The following PDE4D variants were observed in gnomAD, a reference collection of about 807,000 sequenced individuals.
PDE4D encodes the protein phosphodiesterase 4D.
PDE4D carries 24 observed loss-of-function variants against 87.4 expected under a neutral mutation model. The observed-to-expected ratio is 0.27, with a 90% CI of 0.20 to 0.39. The LOEUF is 0.39. Among genes scored for constraint, PDE4D ranks in the 10% least tolerant of loss-of-function variants. PDE4D has a pLI of 1.00. For missense variants in PDE4D, 714 were observed against 1,041.0 expected, an observed-to-expected ratio of 0.69 and a Z score of 4.32; for synonymous variants, 384 against 383.2, an observed-to-expected ratio of 1.00 and a Z score of -0.02.
chr5:59,380,705 C>T (rs780363269), intron 1 of PDE4D, among the ~76,000 whole-genome samples: 1 of 152,114 alleles, frequency 6.6e-6, no homozygotes, highest in Non-Finnish European at 1.5e-5. Flanking sequence ...TGTTTCTGAA[C>T]TCCAGTTGAA....
chr5:60,374,652 A>G (rs1191672029), intron 1 of PDE4D, among the ~76,000 whole-genome samples: 1 of 152,220 alleles, frequency 6.6e-6, no homozygotes, highest in Non-Finnish European at 1.5e-5. Flanking sequence ...AACAGAATAG[A>G]GCAAGCACAG....
At chr5:59,467,697 A>C (rs1027724974) in intron 1 of PDE4D, among the ~76,000 whole-genome samples, 4 of 152,262 alleles carry the variant, frequency 2.6e-5, no homozygotes, top group African/African-American at 9.6e-5. Flanking sequence ...CCATTGAAGC[A>C]TACGTACAAT....
intron 6 of PDE4D, among the ~76,000 whole-genome samples, chr5:59,034,302 CA>C (rs1347846852): frequency 6.6e-6 from 1 of 152,104 alleles, no homozygotes; most frequent in East Asian, 1.9e-4. Flanking sequence ...GGCATATTAA[CA>C]CTTTTTTAAT....
At chr5:60,200,370 A>G (rs183117609) in intron 1 of PDE4D, among the ~76,000 whole-genome samples, 15 of 151,686 alleles carry the variant, frequency 9.9e-5, no homozygotes, top group Admixed American at 8.6e-4. Flanking sequence ...AAGTCATTGA[A>G]GAGGAGAAAA....
At chr5:59,417,164 T>G (rs1582494759) in intron 1 of PDE4D, among the ~76,000 whole-genome samples, 1 of 152,214 alleles carries the variant, frequency 6.6e-6, no homozygotes, top group East Asian at 1.9e-4. Flanking sequence ...TAAGCAAAAA[T>G]TATCTATAAC....
At chr5:59,895,779 C>T (rs1751571301), upstream of PDE4D, among the ~76,000 whole-genome samples, 1 of 152,188 alleles carries the variant, frequency 6.6e-6, no homozygotes. Context: ...ATTCTAATTT[C>T]TCATACACTA....
intron 1 of PDE4D, among the ~76,000 whole-genome samples, chr5:59,642,445 T>C (rs1741745879): frequency 6.6e-6 from 1 of 152,186 alleles, no homozygotes; most frequent in African/African-American, 2.4e-5. Flanking sequence ...ATAATTTCCA[T>C]GTGTTGTGGG....
chr5:60,459,003 T>G (rs1276812193), intron 1 of PDE4D, among the ~76,000 whole-genome samples: 1 of 139,450 alleles, frequency 7.2e-6, no homozygotes. Context: ...GTGTGTGTGT[T>G]GTGTGTGTGT....
intron 5 of PDE4D, among the ~76,000 whole-genome samples, chr5:59,123,620 A>G (rs1157424851): frequency 6.6e-6 from 1 of 152,216 alleles, no homozygotes. Context: ...TAATACTAAC[A>G]TCAAACCAAA....
At chr5:59,277,286 C>T (rs1018910535) in intron 1 of PDE4D, among the ~76,000 whole-genome samples, 1 of 152,144 alleles carries the variant, frequency 6.6e-6, no homozygotes, top group Non-Finnish European at 1.5e-5. Flanking sequence ...AGGCCTCTTA[C>T]GGTAAATGCC....
chr5:59,707,417 T>A (rs547525627), intron 1 of PDE4D, among the ~76,000 whole-genome samples: 5 of 152,192 alleles, frequency 3.3e-5, no homozygotes, highest in Non-Finnish European at 7.3e-5. Context: ...CACATGCATA[T>A]GTTGGTCTAG....
intron 1 of PDE4D, among the ~76,000 whole-genome samples, chr5:59,629,427 CAAAGAG>C (rs1373994027): frequency 1.3e-5 from 2 of 151,616 alleles, no homozygotes; most frequent in Admixed American, 1.3e-4. Flanking sequence ...AGAGAGAAGA[CAAAGAG>C]AAATTTGGAC....
intron 1 of PDE4D, among the ~76,000 whole-genome samples, chr5:60,513,887 T>C (rs1007761703): frequency 6.6e-6 from 1 of 151,018 alleles, no homozygotes; most frequent in African/African-American, 2.4e-5. Flanking sequence ...AGCCTAAAAA[T>C]CAATTATCTT....
chr5:59,078,616 C>T (rs1283608434), intron 5 of PDE4D, among the ~76,000 whole-genome samples: 1 of 151,368 alleles, frequency 6.6e-6, no homozygotes, highest in Admixed American at 6.6e-5. Context: ...TCAGGTGATT[C>T]TCCCACCTCA....
intron 1 of PDE4D, among the ~76,000 whole-genome samples, chr5:60,443,873 G>A (rs1745431577): frequency 6.6e-6 from 1 of 152,096 alleles, no homozygotes; most frequent in African/African-American, 2.4e-5. Flanking sequence ...TCCACTGGGT[G>A]CTAGAATCAT....
intron 1 of PDE4D, among the ~76,000 whole-genome samples, chr5:59,277,065 C>T (rs895099072): frequency 1.3e-5 from 2 of 152,070 alleles, no homozygotes; most frequent in Admixed American, 6.6e-5. Flanking sequence ...TTAGCTAGTA[C>T]GTTGGTTCTC....
At chr5:60,269,275 C>G (rs1196801609) in intron 1 of PDE4D, among the ~76,000 whole-genome samples, 1 of 152,192 alleles carries the variant, frequency 6.6e-6, no homozygotes, top group Non-Finnish European at 1.5e-5. Flanking sequence ...CCACTGCACT[C>G]CAGCCTGGGC....
At chr5:59,202,610 G>T (rs1466062912) in intron 2 of PDE4D, among the ~76,000 whole-genome samples, 1 of 152,046 alleles carries the variant, frequency 6.6e-6, no homozygotes, top group Admixed American at 6.6e-5. Context: ...CATGTCCTGA[G>T]AGGAGCCTGG....
chr5:59,482,588 G>A (rs931855), intron 1 of PDE4D, among the ~76,000 whole-genome samples: 35 of 152,078 alleles, frequency 2.3e-4, no homozygotes, highest in African/African-American at 5.3e-4. Context: ...AAGGTGATTC[G>A]CCCTTGTTGT....
Sources: allele counts gnomAD v4.1 joint callset (sites outside exome capture counted in the v4.1 genomes callset), GRCh38; gene constraint gnomAD v4.1.1; transcripts MANE v1.5; gene names NCBI Gene and HGNC (gene_info 2026-07-23, HGNC 2026-07-21).